Variants in CDH13 observed in about 807,000 individuals in gnomAD.
CDH13 encodes the protein cadherin-13.
In CDH13, 24 loss-of-function variants were observed where a neutral mutation model predicts 63.8. The ratio of observed to expected loss-of-function variants is 0.38; its 90% confidence interval spans 0.27 to 0.53. The LOEUF (loss-of-function observed/expected upper bound fraction) is 0.53, where lower values mean the gene tolerates loss of function less well. CDH13 is among the 20% of genes least tolerant of loss of function. CDH13 has a pLI of 0.85. For missense variants in CDH13, 1,049 were observed against 903.1 expected, an observed-to-expected ratio of 1.16 and a Z score of -2.07; for synonymous variants, 503 against 355.3, an observed-to-expected ratio of 1.42 and a Z score of -4.67.
chr16:83,102,907 CTTTCTTTTT>C (rs1567831518), intron 3 of CDH13, among the ~76,000 whole-genome samples: 1 of 80,658 alleles, frequency 1.2e-5, no homozygotes, highest in East Asian at 2.9e-4. Flanking sequence ...GCTAATTAAA[CTTTCTTTTT>C]TTTTTTTCTT....
chr16:82,627,830 C>T (rs916223488), intron 1 of CDH13, among the ~76,000 whole-genome samples: 1 of 152,240 alleles, frequency 6.6e-6, no homozygotes, highest in South Asian at 2.1e-4. Flanking sequence ...GGCCCCAGCC[C>T]CCCGCACCCC....
chr16:83,131,182 A>ACCCCCCCCC lies in CDH13; in HGVS notation c.483+5692_483+5700dup, dbSNP rs1173636265. On this transcript the variant is annotated intron_variant, in intron 4 of 13. Coordinates refer to ENST00000567109, the MANE Select transcript of CDH13 (RefSeq NM_001257.5). ...GGTGGGGAGTATAAGGGGGTGTATG[A>ACCCCCCCCC]CCCCCCCCCCCCCCCCCCCGCCCAC... 1.2e-3 allele frequency among the ~76,000 whole-genome samples: 100 copies of ACCCCCCCCC among 86,342 alleles called. 17 individuals are homozygous for ACCCCCCCCC. Among genetic ancestry groups the ACCCCCCCCC allele is most frequent in the African/African-American group, 3.0e-3 (43 of 14,140 alleles). The allele number at this position is 86,342 out of a possible 152,430, so 56.6% of individuals were successfully genotyped here.
intron 4 of CDH13, among the ~76,000 whole-genome samples, chr16:83,131,964 G>A (rs1269286137): frequency 5.3e-5 from 8 of 152,268 alleles, no homozygotes; most frequent in South Asian, 4.1e-4. Flanking sequence ...CAGACATGAC[G>A]GTAATTTACA....
intron 4 of CDH13, among the ~76,000 whole-genome samples, chr16:83,213,050 G>A (rs958651496): frequency 6.6e-6 from 1 of 152,140 alleles, no homozygotes; most frequent in African/African-American, 2.4e-5. Flanking sequence ...CAGGAGGCAG[G>A]TTCAGCAGCC....
chr16:82,823,039 T>C (rs1718623124), intron 1 of CDH13, among the ~76,000 whole-genome samples: 1 of 152,198 alleles, frequency 6.6e-6, no homozygotes, highest in South Asian at 2.1e-4. Context: ...GACATCTCTC[T>C]ATGGTCTCTG....
At chr16:82,628,060 G>T (rs1377187265) in intron 1 of CDH13, among the ~76,000 whole-genome samples, 3 of 152,250 alleles carry the variant, frequency 2.0e-5, no homozygotes, top group Non-Finnish European at 4.4e-5. Context: ...GCACCTCAGA[G>T]ATTTCGGGAA....
At chr16:83,153,805 C>A (rs996582963) in intron 4 of CDH13, among the ~76,000 whole-genome samples, 1 of 152,170 alleles carries the variant, frequency 6.6e-6, no homozygotes, top group Non-Finnish European at 1.5e-5. Flanking sequence ...TTAAGCCACT[C>A]ACTTTGTGGC....
intron 3 of CDH13, among the ~76,000 whole-genome samples, chr16:83,081,459 C>A (rs1567811306): frequency 6.6e-6 from 1 of 152,194 alleles, no homozygotes; most frequent in Non-Finnish European, 1.5e-5. Context: ...AGGGTATACA[C>A]ATGCTTTTAA....
chr16:82,897,756 C>T lies in CDH13; in HGVS notation c.157+39283C>T, dbSNP rs768148805. Among the ~76,000 whole-genome samples the T allele has an allele frequency of 2.0e-4, 30 of 152,230 alleles. 1 individual carries two copies. The highest frequency in any genetic ancestry group is 3.2e-3 in the Middle Eastern group (1 of 316). ...CCTGCTGAGTAGAGTCCTGAAACTG[C>T]AAGGGGTGGGGAAATAGCAATGAAT... On this transcript the variant is annotated intron_variant, in intron 2 of 13. Coordinates refer to ENST00000567109, the MANE Select transcript of CDH13 (RefSeq NM_001257.5).
chr16:82,970,570 T>G (rs1240135057), intron 2 of CDH13, among the ~76,000 whole-genome samples: 1 of 146,252 alleles, frequency 6.8e-6, no homozygotes, highest in Non-Finnish European at 1.5e-5. Flanking sequence ...CGGCTAATTT[T>G]TTGTATTTTT....
At chr16:83,405,106 T>C (rs1353364223) in intron 6 of CDH13, among the ~76,000 whole-genome samples, 1 of 151,696 alleles carries the variant, frequency 6.6e-6, no homozygotes, top group Non-Finnish European at 1.5e-5. Context: ...CTCCTGTCAT[T>C]TTCTGAAGTC....
intron 1 of CDH13, among the ~76,000 whole-genome samples, chr16:82,855,531 T>A (rs536736228): frequency 6.6e-6 from 1 of 152,268 alleles, no homozygotes; most frequent in East Asian, 1.9e-4. Flanking sequence ...TGTTGGCCAG[T>A]TATAGATTTT....
rs188296799 is a variant in CDH13, at chr16:83,316,356, G to C, written c.637-28506G>C. On this transcript the variant is annotated intron_variant, in intron 5 of 13. Coordinates refer to ENST00000567109, the MANE Select transcript of CDH13 (RefSeq NM_001257.5). ...CCGTAATTGATACACTGGCCTAGTG[G>C]AGGGGGAATCTAGTTTGAACTATTT... Among the ~76,000 whole-genome samples, 331 of 152,300 alleles carry C rather than the reference G, an allele frequency of 2.2e-3. 1 individual carries two copies. Among genetic ancestry groups the C allele is most frequent in the Non-Finnish European group, 4.0e-3 (271 of 68,024 alleles).
At chr16:83,558,439 A>T (rs911911668) in intron 7 of CDH13, among the ~76,000 whole-genome samples, 2 of 152,216 alleles carry the variant, frequency 1.3e-5, no homozygotes, top group Admixed American at 6.5e-5. Flanking sequence ...TTCTTACCTG[A>T]CTGGTTGTGC....
At chr16:82,640,419 C>T (rs943940741) in intron 1 of CDH13, among the ~76,000 whole-genome samples, 8 of 152,024 alleles carry the variant, frequency 5.3e-5, no homozygotes, top group Admixed American at 5.2e-4. Flanking sequence ...ATGATTTAAA[C>T]CAGGGGTAGG....
At position 83,228,789 on chromosome 16, in the gene CDH13, C is replaced by T. The variant is rs114619134; in HGVS notation, c.636+11292C>T. ...AGTGAGCTTAGACATGATACTCCTG[C>T]GGCGAAAGGGACAAATGATGGAGGA... On this transcript the variant is annotated intron_variant, in intron 5 of 13. Coordinates refer to ENST00000567109, the MANE Select transcript of CDH13 (RefSeq NM_001257.5). 3.6e-3 allele frequency among the ~76,000 whole-genome samples: 552 copies of T among 152,182 alleles called. 2 individuals carry two copies. The highest frequency in any genetic ancestry group is 0.013 in the African/African-American group (522 of 41,504).
intron 1 of CDH13, among the ~76,000 whole-genome samples, chr16:82,785,319 A>G (rs562801069): frequency 6.6e-6 from 1 of 152,328 alleles, no homozygotes; most frequent in South Asian, 2.1e-4. Context: ...CAACTAAGCC[A>G]TAACTGGTTT....
rs78779491 is a variant in CDH13 at position 83,013,659 on chromosome 16, G to C, written c.158-18351G>C. On this transcript the variant is annotated intron_variant, in intron 2 of 13. Coordinates refer to ENST00000567109, the MANE Select transcript of CDH13 (RefSeq NM_001257.5). Reference sequence around the variant, plus strand: ...GTCAGTAACTTGTCTATTCCTCAGAGTTAGATGTCAGTGTGATACCTGACA... The same window carrying C: ...GTCAGTAACTTGTCTATTCCTCAGACTTAGATGTCAGTGTGATACCTGACA... Among the ~76,000 whole-genome samples the C allele has an allele frequency of 3.3e-5, 5 of 152,310 alleles. No individual in the cohort carries two copies. In the East Asian group the frequency reaches 9.6e-4, roughly 29 times the overall value.
intron 6 of CDH13, among the ~76,000 whole-genome samples, chr16:83,355,130 A>C (rs569426981): frequency 2.0e-5 from 3 of 152,206 alleles, no homozygotes; most frequent in Non-Finnish European, 2.9e-5. Context: ...GACTTGTGCT[A>C]TTCTGTGGAG....
Sources: gnomAD v4.1 joint callset for allele counts (sites outside exome capture counted in the v4.1 genomes callset) on GRCh38, gnomAD v4.1.1 for gene constraint, MANE v1.5 for transcripts, NCBI Gene and HGNC (gene_info 2026-07-23, HGNC 2026-07-21) for gene names.